Variants in KNL1 observed in about 807,000 individuals in gnomAD.
KNL1 encodes kinetochore scaffold 1.
In KNL1, 66 loss-of-function variants were observed where a neutral mutation model predicts 201.3. That is an observed-to-expected ratio of 0.33 (90% confidence interval 0.27 to 0.40). The LOEUF (loss-of-function observed/expected upper bound fraction) is 0.40. Among genes scored for constraint, KNL1 ranks in the 10% least tolerant of loss-of-function variants. KNL1 has a pLI of 1.00. For missense variants in KNL1, 2,815 were observed against 2,690.5 expected, an observed-to-expected ratio of 1.05 and a Z score of -1.02; for synonymous variants, 895 against 899.2, an observed-to-expected ratio of 1.00 and a Z score of 0.08.
intron 17 of KNL1, among the ~76,000 whole-genome samples, chr15:40,649,533 G>T (rs2141756670): frequency 6.6e-6 from 1 of 151,564 alleles, no homozygotes; most frequent in Non-Finnish European, 1.5e-5. Context: ...GGCCTCAAGT[G>T]ATCTGCCCAT....
chr15:40,643,042 T>C (rs1257286896), intron 14 of KNL1: 1 of 152,218 alleles, frequency 6.6e-6, no homozygotes, highest in African/African-American at 2.4e-5. Flanking sequence ...ACAAGAGATA[T>C]TCTATCTCTG....
At chr15:40,634,341 G>C (rs1326434425) in intron 13 of KNL1, among the ~76,000 whole-genome samples, 1 of 152,174 alleles carries the variant, frequency 6.6e-6, no homozygotes, top group Non-Finnish European at 1.5e-5. Flanking sequence ...TCTTGACCTC[G>C]TGACCCGCCC....
Position 40,620,869 on chromosome 15 carries a change from C to G in KNL1, c.605C>G (p.Ser202Cys), listed in dbSNP as rs768124177. 6.3e-7 allele frequency: 1 copy of G among 1,594,112 alleles called. No homozygotes were observed. Among genetic ancestry groups the G allele is most frequent in the South Asian group, 1.1e-5 (1 of 88,174 alleles). The stretch of plus-strand genomic sequence containing the variant: ...AGAATGAAAAAAGAAGTAAATTTTT[C>G]CGTGGATCAAAACACTTCTTCAGAA... ...DSRMKKEVNF[S>C]VDQNTSSENK... The change falls in exon 10 of 26, where the codon TCC becomes TGC. Residue 202 changes from serine to cysteine, a missense_variant. Coordinates refer to ENST00000399668, the MANE Select transcript of KNL1 (RefSeq NM_144508.5).
intron 7 of KNL1, among the ~76,000 whole-genome samples, chr15:40,612,188 C>T (rs754252516): frequency 2.6e-5 from 4 of 152,032 alleles, no homozygotes; most frequent in Non-Finnish European, 5.9e-5. Flanking sequence ...TTGTGGTGGG[C>T]GCCTGTAGTC....
At chr15:40,615,317 A>G (rs766981360) in intron 7 of KNL1, 24 bp from the exon 8 acceptor site, 9 of 644,158 alleles carry the variant, frequency 1.4e-5, no homozygotes, top group Non-Finnish European at 2.4e-5. Flanking sequence ...GGTATAGATT[A>G]TAAAAATACT....
intron 22 of KNL1, among the ~76,000 whole-genome samples, 152 bp from the exon 23 acceptor site, chr15:40,656,889 GA>G (rs201419883): frequency 6.8e-6 from 1 of 147,860 alleles, no homozygotes; most frequent in Non-Finnish European, 1.5e-5. Flanking sequence ...GGAGACTCCA[GA>G]AAAAAAAAGA....
intron 20 of KNL1, 107 bp downstream of exon 20, chr15:40,651,679 T>G (rs1389442778): frequency 1.4e-6 from 1 of 707,052 alleles, no homozygotes; most frequent in Non-Finnish European, 2.3e-6. Flanking sequence ...GTTTTTAACC[T>G]ATACAGTGCT....
chr15:40,600,222 C>G (rs1486535662), intron 1 of KNL1, among the ~76,000 whole-genome samples: 1 of 151,974 alleles, frequency 6.6e-6, no homozygotes. Context: ...ATTACAGGCA[C>G]CCACCACCAT....
At chr15:40,615,426 C>T (rs575854369) in intron 8 of KNL1, 48 bp downstream of exon 8, 2 of 547,888 alleles carry the variant, frequency 3.7e-6, no homozygotes, top group East Asian at 5.7e-5. Context: ...GTCTATTCAT[C>T]TAGGTTTCTT....
intron 17 of KNL1, among the ~76,000 whole-genome samples, chr15:40,647,460 C>T (rs557321690): frequency 5.8e-4 from 88 of 151,626 alleles, no homozygotes; most frequent in African/African-American, 2.1e-3. Flanking sequence ...GGTGGCAGAG[C>T]GAGACTCCAT....
intron 1 of KNL1, among the ~76,000 whole-genome samples, chr15:40,602,305 T>TA (rs1891829335): frequency 1.3e-5 from 2 of 148,334 alleles, no homozygotes; most frequent in African/African-American, 4.9e-5. Context: ...AGTGCTGTAT[T>TA]TTTTTTTTTT....
chr15:40,647,653 C>T (rs1361470812), intron 17 of KNL1, among the ~76,000 whole-genome samples: 1 of 152,108 alleles, frequency 6.6e-6, no homozygotes, highest in African/African-American at 2.4e-5. Context: ...TTTGGTCTTT[C>T]ATAATCCCAA....
chr15:40,658,561 CAAA>C (rs35180053), intron 24 of KNL1, among the ~76,000 whole-genome samples: 8 of 74,184 alleles, frequency 1.1e-4, no homozygotes, highest in East Asian at 4.1e-4. Context: ...GAATCTGTCT[CAAA>C]AAAAAAAAAA....
intron 8 of KNL1, 30 bp downstream of exon 8, chr15:40,615,408 G>A: frequency 1.6e-6 from 1 of 618,882 alleles, no homozygotes; most frequent in Non-Finnish European, 2.7e-6. Context: ...TTTTCTTATA[G>A]TAAGATAGTC....
At position 40,622,880 on chromosome 15, in the gene KNL1, G is replaced by A. The variant is rs189826194; in HGVS notation, c.2616G>A (p.Met872Ile). 6.2e-7 allele frequency: 1 copy of A among 1,611,664 alleles called. No individual in the cohort carries two copies. The highest frequency in any genetic ancestry group is 8.5e-7 in the Non-Finnish European group (1 of 1,178,034). ...IVFSEDDKND[M>I]DITKSYTIEI... ...TTTCAGAAGACGATAAGAATGATAT[G>A]GATATCACTAAGAGTTATACAATAG... The change falls in exon 10 of 26, where the codon ATG (methionine) becomes ATA (isoleucine). Residue 872 changes from methionine to isoleucine, a missense_variant. Around this residue, in one of 3 missense-constraint regions of KNL1, gnomAD observed 2,464 missense variants for 2,291.7 expected, o/e 1.08. Coordinates refer to ENST00000399668, the MANE Select transcript of KNL1 (RefSeq NM_144508.5).
chr15:40,650,628 A>C, intron 19 of KNL1, 45 bp downstream of exon 19: 1 of 1,496,552 alleles, frequency 6.7e-7, no homozygotes, highest in East Asian at 2.4e-5. Flanking sequence ...GCTAAATCAC[A>C]GAAGGCTAGA....
chr15:40,600,075 CTTTTTTTT>C (rs10706832), intron 1 of KNL1, among the ~76,000 whole-genome samples: 27 of 100,162 alleles, frequency 2.7e-4, no homozygotes, highest in Admixed American at 1.4e-3. Context: ...TTTGGGATTC[CTTTTTTTT>C]TTTTTTTTTT....
intron 10 of KNL1, among the ~76,000 whole-genome samples, chr15:40,627,173 G>T (rs1892777881): frequency 6.6e-6 from 1 of 152,196 alleles, no homozygotes; most frequent in Non-Finnish European, 1.5e-5. Flanking sequence ...GGGGTTACAG[G>T]CGTGAGCCAC....
At chr15:40,618,104 A>G (rs1892404051) in intron 8 of KNL1, among the ~76,000 whole-genome samples, 1 of 145,132 alleles carries the variant, frequency 6.9e-6, no homozygotes, top group Non-Finnish European at 1.5e-5. Flanking sequence ...AAATGTAAGT[A>G]TTTTTAAATG....
Sources: gnomAD v4.1 joint callset for allele counts (sites outside exome capture counted in the v4.1 genomes callset) on GRCh38, gnomAD v4.1.1 for gene constraint, gnomAD v4.1.1 regional missense constraint, MANE v1.5 for transcripts, NCBI Gene and HGNC (gene_info 2026-07-23, HGNC 2026-07-21) for gene names.